The following PDGFB variants were observed in gnomAD, a reference collection of about 807,000 sequenced individuals.
The protein encoded by PDGFB is platelet derived growth factor subunit B, also known as platelet-derived growth factor subunit B.
A neutral mutation model predicts 29.0 loss-of-function variants in PDGFB; 6 were observed. The observed-to-expected ratio is 0.21, with a 90% CI of 0.11 to 0.41. PDGFB has a LOEUF of 0.41. Ranked by LOEUF, PDGFB falls within the 10% of genes least tolerant of loss-of-function variation. The pLI is 1.00. For synonymous variants in PDGFB, 144 were observed against 140.8 expected, an observed-to-expected ratio of 1.02 and a Z score of -0.16; for missense variants, 299 against 341.8, an observed-to-expected ratio of 0.87 and a Z score of 0.99.
rs1264302733 is a variant in PDGFB at position 39,242,621 on chromosome 22, C to G, written c.63+1280G>C. Among the ~76,000 whole-genome samples the G allele has an allele frequency of 4.0e-5, 6 of 151,728 alleles. No homozygotes were observed. Among genetic ancestry groups the G allele is most frequent in the African/African-American group, 2.4e-5 (1 of 41,360 alleles). On this transcript the variant is annotated intron_variant, in intron 1 of 6. Transcript: ENST00000331163. This position sits in a 1 kb window ranked among gnomAD's most constrained non-coding sequence, Gnocchi z 5.7. The stretch of plus-strand genomic sequence containing the variant: ...GCGGCCTGCGGCCCTCGAGGAGCCC[C>G]GAGAACAAAAGGAGACGGCGACGGC...
At position 39,242,055 on chromosome 22, in the gene PDGFB, T is replaced by C; in HGVS notation, c.63+1846A>G. 1 of 231,020 alleles carries C rather than the reference T, an allele frequency of 4.3e-6. No homozygotes were observed. The highest frequency in any genetic ancestry group is 8.6e-6 in the Non-Finnish European group (1 of 116,622). 14.3% of individuals were successfully genotyped at this position (231,020 alleles called of 1,614,324 possible). On this transcript the variant is annotated intron_variant, in intron 1 of 6. Transcript: ENST00000331163. This position sits in a 1 kb window ranked among gnomAD's most constrained non-coding sequence, Gnocchi z 5.7. Reference sequence around the variant, plus strand: ...TTGCGCGGGGGCGAGCACCAGGCGCTGGGTGCACGGGGGCCCGTGCGTGCC... The same window carrying C: ...TTGCGCGGGGGCGAGCACCAGGCGCCGGGTGCACGGGGGCCCGTGCGTGCC...
rs1601593578 is a variant in PDGFB, at chr22:39,223,704, A to T, written c.*1638T>A. On this transcript the variant is annotated 3_prime_UTR_variant, in exon 7 of 7. Transcript: ENST00000331163. Reference sequence around the variant, plus strand: ...ATTCATTTGGTTTTGTTTTGTGGTTATTTTTTTTTACAACTTTAAATACGG... The same window carrying T: ...ATTCATTTGGTTTTGTTTTGTGGTTTTTTTTTTTTACAACTTTAAATACGG... The T allele has an allele frequency of 6.6e-6, 1 of 152,290 alleles. No homozygotes were observed. The highest frequency in any genetic ancestry group is 1.5e-5 in the Non-Finnish European group (1 of 67,910). The allele number at this position is 152,290 out of a possible 1,614,324, so 9.4% of individuals were successfully genotyped here. A position where few individuals can be genotyped will look rare whatever the true frequency, so the allele number is the denominator to read the frequency against.
At chr22:39,235,756 G>C in intron 2 of PDGFB, 22 bp downstream of exon 2, 1 of 1,564,386 alleles carries the variant, frequency 6.4e-7, no homozygotes, top group East Asian at 2.2e-5. Context: ...GGGCCGGAGC[G>C]CGGGGCGAGG....
At position 39,224,493 on chromosome 22, in the gene PDGFB, T is replaced by C. The variant is rs904329000; in HGVS notation, c.*849A>G. ...CCTTAATAAGGGGTTCAAGAGCCCCTTGGTGGAGCAGACTGAAGGGCCAGG... is the reference window on the plus strand; with the variant it reads ...CCTTAATAAGGGGTTCAAGAGCCCCCTGGTGGAGCAGACTGAAGGGCCAGG... On this transcript the variant is annotated 3_prime_UTR_variant, in exon 7 of 7. Transcript: ENST00000331163. 1 of 152,532 alleles carries C rather than the reference T, an allele frequency of 6.6e-6. No individual in the cohort carries two copies. Among genetic ancestry groups the C allele is most frequent in the African/African-American group, 2.4e-5 (1 of 41,332 alleles). The allele number at this position is 152,532 out of a possible 1,614,324, so 9.4% of individuals were successfully genotyped here.
Position 39,243,300 on chromosome 22 carries a change from G to T in PDGFB, c.63+601C>A, listed in dbSNP as rs936792411. ...TCTCTCTCTCTCTCTCTCTCTCCCT[G>T]TTACTCCCACCCCAAACCCCGCGCC... On this transcript the variant is annotated intron_variant, in intron 1 of 6. Transcript: ENST00000331163. The surrounding 1 kb of genome is among the most constrained non-coding windows in gnomAD (Gnocchi z 6.4). Among the ~76,000 whole-genome samples, 1 of 137,958 alleles carries T rather than the reference G, an allele frequency of 7.2e-6. No homozygotes were observed. Among genetic ancestry groups the T allele is most frequent in the Non-Finnish European group, 1.6e-5 (1 of 63,422 alleles). 90.5% of individuals were successfully genotyped at this position (137,958 alleles called of 152,430 possible).
At position 39,225,791 on chromosome 22, in the gene PDGFB, T is replaced by G. The variant is rs746054014; in HGVS notation, c.658A>C (p.Lys220Gln). ...TGCTTGAATTTCCGGTGCTTGCCCT[T>G]GGGGGGCCGGCGGACTCGCACCGTC... ...IRTVRVRRPP[K>Q]GKHRKFKHTH... Residue 220 changes from lysine (K) to glutamine (Q), a missense_variant, in exon 6 of 7, where the codon AAG becomes CAG. Transcript: ENST00000331163. 1.2e-6 allele frequency: 2 copies of G among 1,614,144 alleles called. No homozygotes were observed. The highest frequency in any genetic ancestry group is 1.7e-6 in the Non-Finnish European group (2 of 1,180,006).
intron 3 of PDGFB, among the ~76,000 whole-genome samples, chr22:39,232,314 T>C (rs1932328808): frequency 6.6e-6 from 1 of 152,136 alleles, no homozygotes; most frequent in South Asian, 2.1e-4. Flanking sequence ...CTCTATGAAA[T>C]GGGATAATAA....
At position 39,243,391 on chromosome 22, in the gene PDGFB, T is replaced by A. The variant is rs1932618615; in HGVS notation, c.63+510A>T. ...CATGCCCTGCGCGTGCCGGAGGGCG[T>A]CCACCCGGACCCCGACCGGGAGCCA... On this transcript the variant is annotated intron_variant, in intron 1 of 6. Transcript: ENST00000331163. This position sits in a 1 kb window ranked among gnomAD's most constrained non-coding sequence, Gnocchi z 6.4. 2.0e-5 allele frequency among the ~76,000 whole-genome samples: 3 copies of A among 150,984 alleles called. No homozygotes were observed. The highest frequency in any genetic ancestry group is 3.0e-5 in the Non-Finnish European group (2 of 67,782).
intron 4 of PDGFB, among the ~76,000 whole-genome samples, chr22:39,230,678 G>A (rs1601597114): frequency 1.3e-5 from 2 of 152,362 alleles, no homozygotes; most frequent in South Asian, 4.1e-4. Context: ...ATCGAGGACA[G>A]GAGATACCAC....
Position 39,240,535 on chromosome 22 carries a change from G to A in PDGFB, c.63+3366C>T, listed in dbSNP as rs148837440. Among the ~76,000 whole-genome samples the A allele has an allele frequency of 3.0e-3, 455 of 152,118 alleles. 3 individuals carry two copies. Among genetic ancestry groups the A allele is most frequent in the African/African-American group, 0.01 (430 of 41,512 alleles). ...GGCTTTGAAAGACTGATGCCTACCAGAGGGCTGAAAAGGGGGGCTGCCCTC... is the reference window on the plus strand; with the variant it reads ...GGCTTTGAAAGACTGATGCCTACCAAAGGGCTGAAAAGGGGGGCTGCCCTC... On this transcript the variant is annotated intron_variant, in intron 1 of 6. Coordinates refer to ENST00000331163, the MANE Select transcript of PDGFB (RefSeq NM_002608.4).
chr22:39,227,687 G>A (rs1283063436), intron 5 of PDGFB, among the ~76,000 whole-genome samples: 1 of 152,118 alleles, frequency 6.6e-6, no homozygotes. Context: ...TCAGTCAAGG[G>A]GAGCTCTTAT....
chr22:39,238,112 G>A (rs945178009), intron 1 of PDGFB, among the ~76,000 whole-genome samples: 1 of 152,208 alleles, frequency 6.6e-6, no homozygotes, highest in African/African-American at 2.4e-5. Flanking sequence ...CAGGCCGAGT[G>A]GACACCCCAG....
At position 39,231,374 on chromosome 22, in the gene PDGFB, G is replaced by A. The variant is rs115093500; in HGVS notation, c.456+248C>T. Among the ~76,000 whole-genome samples the A allele has an allele frequency of 1.3e-5, 2 of 152,316 alleles. No individual in the cohort carries two copies. The highest frequency in any genetic ancestry group is 3.4e-3 in the Middle Eastern group (1 of 294). On this transcript the variant is annotated intron_variant, in intron 4 of 6. Transcript: ENST00000331163. The surrounding 1 kb of genome is among the most constrained non-coding windows in gnomAD (Gnocchi z 4.3). Reference sequence around the variant, plus strand: ...CTCCACACCTCGCCCAGCCCGGGGGGTCTGTCTGTGGCTTTTGGCTACAGT... The same window carrying A: ...CTCCACACCTCGCCCAGCCCGGGGGATCTGTCTGTGGCTTTTGGCTACAGT...
At chr22:39,236,016 T>C in intron 1 of PDGFB, 142 bp from the exon 2 acceptor site, 1 of 639,820 alleles carries the variant, frequency 1.6e-6, no homozygotes, top group Non-Finnish European at 2.7e-6. Context: ...GATCCAGGCC[T>C]GATGATCAGG....
intron 1 of PDGFB, among the ~76,000 whole-genome samples, chr22:39,237,483 G>C (rs941696187): frequency 2.0e-5 from 3 of 152,210 alleles, no homozygotes; most frequent in African/African-American, 7.2e-5. Context: ...CGGGCAGCCA[G>C]GGGCTGCACG....
At position 39,243,256 on chromosome 22, in the gene PDGFB, CTCTCTCTCTCTCTCTCTT is replaced by C. The variant is rs1487218982; in HGVS notation, c.63+627_63+644del. Among the ~76,000 whole-genome samples the C allele has an allele frequency of 6.9e-5, 2 of 28,894 alleles. No homozygotes were observed. The highest frequency in any genetic ancestry group is 1.1e-4 in the Non-Finnish European group (1 of 8,976). 19.0% of individuals were successfully genotyped at this position (28,894 alleles called of 152,430 possible). ...TCTCTCTCCGTCTCTCTCTCCGTCT[CTCTCTCTCTCTCTCTCTT>C]TCTCTCTCTCTCTCTCTCTCTCCCT... On this transcript the variant is annotated intron_variant, in intron 1 of 6. Transcript: ENST00000331163. The surrounding 1 kb of genome is among the most constrained non-coding windows in gnomAD (Gnocchi z 6.4).
Position 39,230,128 on chromosome 22 carries a change from G to A in PDGFB, c.557C>T (p.Ala186Val). Residue 186 changes from alanine (A) to valine (V), a missense_variant, in exon 5 of 7, where the codon GCA (alanine) becomes GTA (valine). Transcript: ENST00000331163. The stretch of plus-strand genomic sequence containing the variant: ...CCCCGGGCTTCGGGTCACAGGCCGT[G>A]CAGCTGCCACTGTCTCACACTTGCA... The part of the protein sequence containing the change: ...LACKCETVAA[A>V]RPVTRSPGGS... The A allele has an allele frequency of 6.2e-7, 1 of 1,613,908 alleles. No individual in the cohort carries two copies. Among genetic ancestry groups the A allele is most frequent in the Non-Finnish European group, 8.5e-7 (1 of 1,180,030 alleles).
At chr22:39,241,703 C>T (rs1347215467) in intron 1 of PDGFB, among the ~76,000 whole-genome samples, 2 of 152,162 alleles carry the variant, frequency 1.3e-5, no homozygotes, top group African/African-American at 2.4e-5. Context: ...ATGCAACAGC[C>T]AGGGGTGGGA....
In PDGFB at chr22:39,223,912, C is replaced by G. The variant is rs1395610087; in HGVS notation, c.*1430G>C. On this transcript the variant is annotated 3_prime_UTR_variant, in exon 7 of 7. Coordinates refer to ENST00000331163, the MANE Select transcript of PDGFB (RefSeq NM_002608.4). ...TCTTGGGGATCTTTTCCCTTCTCTC[C>G]CCCATTCCCAGCCCACGAGCTGGTT... 1 of 152,198 alleles carries G rather than the reference C, an allele frequency of 6.6e-6. No homozygotes were observed. Among genetic ancestry groups the G allele is most frequent in the Admixed American group, 6.5e-5 (1 of 15,280 alleles). The allele number at this position is 152,198 out of a possible 1,614,324, so 9.4% of individuals were successfully genotyped here. A position where few individuals can be genotyped will look rare whatever the true frequency, so the allele number is the denominator to read the frequency against.
Sources: allele counts gnomAD v4.1 joint callset (sites outside exome capture counted in the v4.1 genomes callset), GRCh38; gene constraint gnomAD v4.1.1; non-coding constraint Gnocchi (gnomAD v3.1); transcripts MANE v1.5; gene names NCBI Gene and HGNC (gene_info 2026-07-23, HGNC 2026-07-21).